CTNNA2: variants seen among roughly 807,000 people sequenced by gnomAD.
CTNNA2 encodes catenin alpha-2.
Under a neutral mutation model 101.0 loss-of-function variants are expected in CTNNA2, and 42 were observed. The observed-to-expected ratio is 0.42, with a 90% CI of 0.32 to 0.54. CTNNA2 has a LOEUF of 0.54. Among genes scored for constraint, CTNNA2 ranks in the 20% least tolerant of loss-of-function variants. The pLI, the probability that CTNNA2 is intolerant of heterozygous loss-of-function variation, is 0.14. For synonymous variants in CTNNA2, 450 were observed against 456.4 expected, an observed-to-expected ratio of 0.99 and a Z score of 0.18; for missense variants, 871 against 1,223.1, an observed-to-expected ratio of 0.71 and a Z score of 4.29.
intron 1 of CTNNA2, among the ~76,000 whole-genome samples, chr2:79,194,278 T>A (rs1033823877): frequency 5.3e-5 from 8 of 152,130 alleles, no homozygotes; most frequent in Non-Finnish European, 1.0e-4. Context: ...AGAGGTGACA[T>A]GTGAGTATAC....
chr2:79,815,067 G>A (rs7578158), intron 3 of CTNNA2, among the ~76,000 whole-genome samples: 50,109 of 151,946 alleles, frequency 0.33, 11,079 homozygotes, highest in African/African-American at 0.63. Context: ...GGCCATTTTT[G>A]TATCTTCTTT....
At chr2:80,341,149 T>G (rs1209313102) in intron 7 of CTNNA2, among the ~76,000 whole-genome samples, 6 of 152,048 alleles carry the variant, frequency 3.9e-5, no homozygotes, top group Non-Finnish European at 7.4e-5. Flanking sequence ...TGAACCTTGA[T>G]GTTTAGAGAT....
chr2:79,777,979 G>A (rs928946472), intron 3 of CTNNA2, among the ~76,000 whole-genome samples: 1 of 150,982 alleles, frequency 6.6e-6, no homozygotes, highest in South Asian at 2.1e-4. Context: ...CAAATGGCAT[G>A]TGATTGCATG....
chr2:79,407,311 G>T (rs1420121132), intron 4 of CTNNA2, among the ~76,000 whole-genome samples: 1 of 152,054 alleles, frequency 6.6e-6, no homozygotes, highest in Non-Finnish European at 1.5e-5. Flanking sequence ...ACCAGGAATT[G>T]TAAGTAACAT....
chr2:80,581,631 C>A, intron 13 of CTNNA2, 75 bp from the exon 14 acceptor site: 1 of 906,290 alleles, frequency 1.1e-6, no homozygotes, highest in South Asian at 1.4e-5. Flanking sequence ...GATATTTAGC[C>A]TTTGCAATGA....
chr2:80,584,836 C>T (rs1573363704), intron 14 of CTNNA2, among the ~76,000 whole-genome samples: 1 of 152,070 alleles, frequency 6.6e-6, no homozygotes, highest in South Asian at 2.1e-4. Flanking sequence ...GTGGCTTGAG[C>T]TAATCATTCA....
chr2:80,100,178 C>A (rs909461170), intron 7 of CTNNA2, among the ~76,000 whole-genome samples: 3 of 152,144 alleles, frequency 2.0e-5, no homozygotes, highest in Non-Finnish European at 4.4e-5. Flanking sequence ...AGGTGATCCA[C>A]CCGCCTTAGC....
intron 4 of CTNNA2, among the ~76,000 whole-genome samples, chr2:79,414,822 A>G (rs1678459578): frequency 6.6e-6 from 1 of 152,028 alleles, no homozygotes; most frequent in Non-Finnish European, 1.5e-5. Flanking sequence ...GAGTGAGGCC[A>G]TCTTAGACCA....
chr2:79,630,883 A>T (rs1679645459), intron 1 of CTNNA2, among the ~76,000 whole-genome samples: 1 of 150,202 alleles, frequency 6.7e-6, no homozygotes, highest in African/African-American at 2.5e-5. Context: ...CTCTAAACTG[A>T]GAATAATGTA....
chr2:80,510,776 A>T (rs970549035), intron 9 of CTNNA2, among the ~76,000 whole-genome samples: 1 of 152,232 alleles, frequency 6.6e-6, no homozygotes, highest in Non-Finnish European at 1.5e-5. Flanking sequence ...GAGAGTTATA[A>T]AATAAAACAG....
rs751666418 is a variant in CTNNA2, at chr2:79,878,743, G to A, written c.852+4401G>A. Among the ~76,000 whole-genome samples the A allele has an allele frequency of 3.9e-5, 6 of 152,036 alleles. No individual in the cohort carries two copies. The South Asian group carries it at 8.3e-4, about 21-fold the overall frequency. ...ATATTAGACTTTTGTCAGATGAGTC[G>A]ATTGTAAAAATTTTCTCCCATTCCG... is the stretch of plus-strand genomic sequence containing the variant. On this transcript the variant is annotated intron_variant, in intron 6 of 18. Coordinates refer to ENST00000402739, the MANE Select transcript of CTNNA2 (RefSeq NM_001282597.3).
intron 7 of CTNNA2, among the ~76,000 whole-genome samples, chr2:80,034,645 C>T (rs561995261): frequency 2.6e-5 from 4 of 152,268 alleles, no homozygotes; most frequent in South Asian, 2.1e-4. Context: ...TGAGCCACCA[C>T]GCCCACCCTC....
intron 7 of CTNNA2, among the ~76,000 whole-genome samples, chr2:80,248,104 T>A (rs1256144118): frequency 6.6e-6 from 1 of 151,908 alleles, no homozygotes; most frequent in Admixed American, 6.6e-5. Context: ...GTGCCCTATC[T>A]CTTTGAGGTT....
intron 1 of CTNNA2, among the ~76,000 whole-genome samples, chr2:79,195,051 A>C (rs1287210550): frequency 6.6e-6 from 1 of 152,078 alleles, no homozygotes; most frequent in South Asian, 2.1e-4. Context: ...ATTGGCATGC[A>C]TTAGTATTCA....
intron 7 of CTNNA2, among the ~76,000 whole-genome samples, chr2:80,233,140 G>A (rs1187002893): frequency 6.6e-6 from 1 of 152,094 alleles, no homozygotes; most frequent in East Asian, 1.9e-4. Flanking sequence ...CCTGGGTAAT[G>A]GTAACTGTAG....
intron 2 of CTNNA2, among the ~76,000 whole-genome samples, chr2:79,240,926 G>T (rs58595444): frequency 6.6e-5 from 10 of 152,080 alleles, no homozygotes; most frequent in African/African-American, 2.4e-4. Context: ...CCCTGCCTCT[G>T]CTGTCCACCT....
chr2:79,972,035 T>C (rs1162293263), intron 7 of CTNNA2, among the ~76,000 whole-genome samples: 1 of 152,140 alleles, frequency 6.6e-6, no homozygotes, highest in Non-Finnish European at 1.5e-5. Flanking sequence ...GGCCCCAAAG[T>C]GGCACAGCAT....
At chr2:79,580,980 T>G (rs1015204325) in intron 1 of CTNNA2, among the ~76,000 whole-genome samples, 1 of 152,224 alleles carries the variant, frequency 6.6e-6, no homozygotes, top group Non-Finnish European at 1.5e-5. Context: ...GAAGCTATAT[T>G]TAACCTGTTT....
intron 9 of CTNNA2, among the ~76,000 whole-genome samples, chr2:80,511,101 C>T (rs1688671066): frequency 6.6e-6 from 1 of 152,134 alleles, no homozygotes; most frequent in South Asian, 2.1e-4. Flanking sequence ...CTTTGGGTAT[C>T]CAGTCATTCT....
Sources: gnomAD v4.1 joint callset for allele counts (sites outside exome capture counted in the v4.1 genomes callset) on GRCh38, gnomAD v4.1.1 for gene constraint, MANE v1.5 for transcripts, NCBI Gene and HGNC (gene_info 2026-07-23, HGNC 2026-07-21) for gene names.